COL23A1: variants seen among roughly 807,000 people sequenced by gnomAD.
COL23A1 encodes the protein collagen type XXIII alpha 1 chain.
COL23A1 carries 97 observed loss-of-function variants against 99.3 expected under a neutral mutation model. That is an observed-to-expected ratio of 0.98 (90% CI 0.83 to 1.16). The LOEUF (loss-of-function observed/expected upper bound fraction) is 1.16. Among genes scored for constraint, COL23A1 ranks in the 50% most tolerant of loss-of-function variants. COL23A1 has a pLI of 0.00. For missense variants in COL23A1, 762 were observed against 757.4 expected (o/e 1.01, Z -0.07); for synonymous variants, 320 against 308.2 (o/e 1.04, Z -0.40).
At chr5:178,537,983 C>T (rs576963988) in intron 2 of COL23A1, among the ~76,000 whole-genome samples, 2 of 152,322 alleles carry the variant, frequency 1.3e-5, no homozygotes, top group East Asian at 3.9e-4. Context: ...ACACAGTATC[C>T]GTCCTGTTGT....
intron 1 of COL23A1, among the ~76,000 whole-genome samples, chr5:178,573,578 T>C (rs1763210884): frequency 6.6e-6 from 1 of 152,258 alleles, no homozygotes; most frequent in Non-Finnish European, 1.5e-5. Context: ...TACAAACAAA[T>C]GGGATTCCTC....
chr5:178,556,284 G>A (rs4976793), intron 2 of COL23A1, among the ~76,000 whole-genome samples: 12,291 of 151,782 alleles, frequency 0.081, 972 homozygotes, highest in East Asian at 0.39. Context: ...TAACTGTTGC[G>A]TTATTAAAAA....
At chr5:178,403,137 ATAAATACC>A (rs1764561963) in intron 2 of COL23A1, among the ~76,000 whole-genome samples, 1 of 137,060 alleles carries the variant, frequency 7.3e-6, no homozygotes, top group Non-Finnish European at 1.5e-5. Context: ...TAAATAAAAA[ATAAATACC>A]ATTTACCGAA....
At chr5:178,564,818 G>A (rs1400682291) in intron 1 of COL23A1, among the ~76,000 whole-genome samples, 1 of 152,194 alleles carries the variant, frequency 6.6e-6, no homozygotes, top group Admixed American at 6.5e-5. Context: ...GTTTTGTTCT[G>A]AGGAAATACA....
rs145761806 is a variant in COL23A1, at chr5:178,471,853, C to A, written c.361+88829G>T. ...AGCTTGCCTCGCCCCTCCCTTCCCA[C>A]AGTCCATGCCCCAGCTCCTTCCACC... On this transcript the variant is annotated intron_variant, in intron 2 of 28. Transcript: ENST00000390654. 2.7e-3 allele frequency among the ~76,000 whole-genome samples: 414 copies of A among 152,274 alleles called. 3 individuals carry two copies. Among genetic ancestry groups the A allele is most frequent in the African/African-American group, 9.4e-3 (389 of 41,548 alleles).
chr5:178,517,965 G>A (rs1353805800), intron 2 of COL23A1, among the ~76,000 whole-genome samples: 7 of 130,392 alleles, frequency 5.4e-5, no homozygotes, highest in South Asian at 2.7e-4. Flanking sequence ...GCAGGGTCAT[G>A]GGACAATAGT....
chr5:178,363,388 C>T (rs573427322), intron 2 of COL23A1, among the ~76,000 whole-genome samples: 1 of 152,158 alleles, frequency 6.6e-6, no homozygotes, highest in African/African-American at 2.4e-5. Flanking sequence ...GAAGAAATAC[C>T]TCCTGGCTGA....
At chr5:178,469,485 A>C (rs1416105427) in intron 2 of COL23A1, among the ~76,000 whole-genome samples, 12 of 151,970 alleles carry the variant, frequency 7.9e-5, no homozygotes, top group Non-Finnish European at 1.5e-4. Flanking sequence ...TGAAACTCCA[A>C]TTCTGCAGGT....
chr5:178,533,622 C>T (rs1354275982), intron 2 of COL23A1, among the ~76,000 whole-genome samples: 2 of 152,228 alleles, frequency 1.3e-5, no homozygotes, highest in South Asian at 2.1e-4. Flanking sequence ...CTCAACCTCC[C>T]GAGTAGCTGG....
At chr5:178,328,361 C>T (rs767905085) in intron 2 of COL23A1, among the ~76,000 whole-genome samples, 65 of 152,198 alleles carry the variant, frequency 4.3e-4, no homozygotes, top group Non-Finnish European at 7.6e-4. Flanking sequence ...GCCTTTCTAA[C>T]ACTAGCCAGG....
chr5:178,341,111 G>T (rs10479492), intron 2 of COL23A1, among the ~76,000 whole-genome samples: 16,898 of 152,208 alleles, frequency 0.11, 998 homozygotes, highest in Middle Eastern at 0.19. Context: ...CCTGTCCAGT[G>T]CCTGCCCCAC....
intron 1 of COL23A1, among the ~76,000 whole-genome samples, chr5:178,585,543 C>A: frequency 6.7e-6 from 1 of 149,022 alleles, no homozygotes; most frequent in Non-Finnish European, 1.5e-5. Context: ...GAGTAACACT[C>A]CACAGCCCTG....
chr5:178,372,776 A>G (rs4563642), intron 2 of COL23A1, among the ~76,000 whole-genome samples: 16,651 of 152,056 alleles, frequency 0.11, 1,277 homozygotes, highest in East Asian at 0.29. Flanking sequence ...GGGTTTCGCC[A>G]TGTTGCCCAG....
intron 5 of COL23A1, among the ~76,000 whole-genome samples, chr5:178,282,552 G>A (rs900168601): frequency 7.2e-5 from 11 of 152,226 alleles, no homozygotes; most frequent in African/African-American, 2.7e-4. Context: ...AGGGAGTAGG[G>A]TCACATAGCC....
rs1231221711 is a variant in COL23A1 at position 178,512,150 on chromosome 5, T to C, written c.361+48532A>G. On this transcript the variant is annotated intron_variant, in intron 2 of 28. Transcript: ENST00000390654. The stretch of plus-strand genomic sequence containing the variant: ...TAGTAATTATCTGTAAGCAGAAAAC[T>C]GGAAACAGCCTAAGCGTCCACCTGT... 2.0e-5 allele frequency among the ~76,000 whole-genome samples: 3 copies of C among 152,234 alleles called. No individual in the cohort carries two copies. The East Asian group carries it at 5.8e-4, about 29-fold the overall frequency.
At chr5:178,342,917 G>C (rs1027211249) in intron 2 of COL23A1, among the ~76,000 whole-genome samples, 6 of 152,212 alleles carry the variant, frequency 3.9e-5, no homozygotes, top group Admixed American at 6.5e-5. Context: ...AGTCCCCAGA[G>C]AGCAGAGAAC....
intron 1 of COL23A1, among the ~76,000 whole-genome samples, chr5:178,571,302 C>T (rs530572452): frequency 6.6e-6 from 1 of 152,082 alleles, no homozygotes; most frequent in Non-Finnish European, 1.5e-5. Context: ...ACAGAGGTTG[C>T]AGTGAGCCAA....
At chr5:178,448,525 A>G (rs182702411) in intron 2 of COL23A1, among the ~76,000 whole-genome samples, 1 of 152,336 alleles carries the variant, frequency 6.6e-6, no homozygotes, top group East Asian at 1.9e-4. Context: ...ATAGTTCTGG[A>G]GGCTTGGAAT....
intron 2 of COL23A1, among the ~76,000 whole-genome samples, chr5:178,559,885 A>G (rs919329564): frequency 4.0e-5 from 6 of 151,586 alleles, no homozygotes; most frequent in South Asian, 2.1e-4. Context: ...CTGCACGTCG[A>G]GAAGTCTGAG....
Sources: gnomAD v4.1 joint callset for allele counts (sites outside exome capture counted in the v4.1 genomes callset) on GRCh38, gnomAD v4.1.1 for gene constraint, MANE v1.5 for transcripts, NCBI Gene and HGNC (gene_info 2026-07-23, HGNC 2026-07-21) for gene names.